The following RHBDF1 variants were observed in gnomAD, a reference collection of about 807,000 sequenced individuals.
RHBDF1 encodes inactive rhomboid protein 1.
In RHBDF1, 80 loss-of-function variants were observed where a neutral mutation model predicts 98.6. The ratio of observed to expected loss-of-function variants is 0.81; its 90% CI spans 0.68 to 0.98. The LOEUF (loss-of-function observed/expected upper bound fraction) is 0.98. RHBDF1 is among the 50% of genes least tolerant of loss of function. RHBDF1 has a pLI of 0.00. For synonymous variants in RHBDF1, 512 were observed against 486.8 expected (o/e 1.05, Z -0.68); for missense variants, 1,116 against 1,198.3 (o/e 0.93, Z 1.01).
chr16:61,567 GA>G lies in RHBDF1; in HGVS notation c.1320+17del. The G allele has an allele frequency of 6.2e-7, 1 of 1,612,590 alleles. No homozygotes were observed. The highest frequency in any genetic ancestry group is 8.5e-7 in the Non-Finnish European group (1 of 1,179,344). Reference sequence around the variant, plus strand: ...CGGACTCCACTCGTCTGGGCCCAGGGAAGGCACAGGGGCTCACCGAGTCCAC... The same window carrying G: ...CGGACTCCACTCGTCTGGGCCCAGGGAGGCACAGGGGCTCACCGAGTCCAC... On this transcript the variant is annotated intron_variant, in intron 9 of 17. Transcript: ENST00000262316.
At chr16:73,699 C>G (rs2141876213), upstream of RHBDF1, among the ~76,000 whole-genome samples, 1 of 152,270 alleles carries the variant, frequency 6.6e-6, no homozygotes, top group Middle Eastern at 3.4e-3. Flanking sequence ...TCCCTAAGGA[C>G]CCCTCTACAG....
intron 9 of RHBDF1, 57 bp downstream of exon 9, chr16:61,528 G>A (rs1295958067): frequency 1.9e-5 from 31 of 1,611,090 alleles, no homozygotes; most frequent in Non-Finnish European, 2.5e-5. Context: ...CGGGTCGGGA[G>A]GGGGTCCAGT....
chr16:76,289 A>T (rs1031416040), upstream of RHBDF1: 18 of 152,154 alleles, frequency 1.2e-4, no homozygotes, highest in African/African-American at 3.9e-4. Flanking sequence ...CCAGCCCGCC[A>T]GCCCACTCTG....
Position 61,612 on chromosome 16 carries a change from G to C in RHBDF1, c.1293C>G (p.Gly431=), listed in dbSNP as rs907248018. The part of the protein sequence containing the change: ...AVCIYGIAPV[G]FSQHETVDSV... Reference sequence around the variant, plus strand: ...AGTCCACCGTCTCATGCTGCGAGAAGCCCACGGGCGCGATGCCATAGATGC... The same window carrying C: ...AGTCCACCGTCTCATGCTGCGAGAACCCCACGGGCGCGATGCCATAGATGC... The change falls in exon 9 of 18, where the codon GGC becomes GGG. Residue 431 remains glycine, a synonymous_variant. Coordinates refer to ENST00000262316, the MANE Select transcript of RHBDF1 (RefSeq NM_022450.5). 19 of 1,613,308 alleles carry C rather than the reference G, an allele frequency of 1.2e-5. No homozygotes were observed. Among genetic ancestry groups the C allele is most frequent in the South Asian group, 8.8e-5 (8 of 91,088 alleles).
chr16:64,578 G>A (rs976735101), intron 3 of RHBDF1, 121 bp downstream of exon 3: 25 of 1,540,532 alleles, frequency 1.6e-5, no homozygotes, highest in Admixed American at 3.8e-5. Context: ...GGTGGGGACC[G>A]AGATGGAGGA....
In RHBDF1 at chr16:61,630, A is replaced by C; in HGVS notation, c.1275T>G (p.Tyr425Ter). 2 of 1,613,502 alleles carry C rather than the reference A, an allele frequency of 1.2e-6. No homozygotes were observed. The highest frequency in any genetic ancestry group is 1.7e-6 in the Non-Finnish European group (2 of 1,179,906). Residue 425 changes from tyrosine to a stop codon, truncating the protein, a stop_gained, in exon 9 of 18, where the codon TAT becomes TAG. Coordinates refer to ENST00000262316, the MANE Select transcript of RHBDF1 (RefSeq NM_022450.5). LOFTEE classifies it high-confidence loss of function. ...SLVTILAVCI[Y>*]GIAPVGFSQH... ...GCGAGAAGCCCACGGGCGCGATGCC[A>C]TAGATGCACACGGCTAGGATGGTGA...
At position 62,208 on chromosome 16, in the gene RHBDF1, C is replaced by T. The variant is rs551793827; in HGVS notation, c.954-156G>A. The T allele has an allele frequency of 8.2e-5, 86 of 1,052,166 alleles. No individual in the cohort carries two copies. The African/African-American group carries it at 8.2e-4, about 10-fold the overall frequency. 65.2% of individuals were successfully genotyped at this position (1,052,166 alleles called of 1,614,324 possible). On this transcript the variant is annotated intron_variant, in intron 7 of 17. Transcript: ENST00000262316. ...CCTTGCCAGTAAAAAAGCAACACTG[C>T]GGGCCTCCGGGGATGGCAGGGAGCT...
intron 1 of RHBDF1, 36 bp downstream of exon 1, chr16:72,477 C>T (rs1898000796): frequency 5.2e-6 from 5 of 962,220 alleles, no homozygotes; most frequent in African/African-American, 3.5e-5. Flanking sequence ...ACCCGCCCGC[C>T]CCCGGAGCCC....
chr16:64,302 C>T, intron 3 of RHBDF1: 1 of 1,338,948 alleles, frequency 7.5e-7, no homozygotes, highest in South Asian at 1.2e-5. Context: ...TGCCAGAAAA[C>T]ACCAACACAC....
In RHBDF1 at chr16:58,339, C is replaced by A; in HGVS notation, c.*1G>T. ...CACGGCCGCTGGAGCCCGCAGCCAG[C>A]TCAGTGGAGCTGAGCGTCCAGTTCG... On this transcript the variant is annotated 3_prime_UTR_variant, in exon 18 of 18. Transcript: ENST00000262316. The A allele has an allele frequency of 6.2e-7, 1 of 1,608,706 alleles. No homozygotes were observed. The highest frequency in any genetic ancestry group is 8.5e-7 in the Non-Finnish European group (1 of 1,177,170).
intron 1 of RHBDF1, among the ~76,000 whole-genome samples, chr16:69,422 G>A (rs1422346151): frequency 6.6e-6 from 1 of 152,154 alleles, no homozygotes; most frequent in Admixed American, 6.5e-5. Context: ...GTCAGCTGGA[G>A]CAAGGGGCCT....
rs771463350 is a variant in RHBDF1 at position 63,135 on chromosome 16, G to A, written c.510C>T (p.Asp170=). The part of the protein sequence containing the change: ...ARGRAFRVAD[D]TAEGLSAPHT... Reference sequence around the variant, plus strand: ...GTGGGGCACTCAGGCCTTCCGCAGTGTCATCTGCCACACGGAAGGCACGGC... The same window carrying A: ...GTGGGGCACTCAGGCCTTCCGCAGTATCATCTGCCACACGGAAGGCACGGC... The change falls in exon 5 of 18, where the codon GAC becomes GAT. Residue 170 remains aspartate (D), a synonymous_variant. Coordinates refer to ENST00000262316, the MANE Select transcript of RHBDF1 (RefSeq NM_022450.5). The A allele has an allele frequency of 8.1e-6, 13 of 1,599,052 alleles. No homozygotes were observed. The highest frequency in any genetic ancestry group is 2.7e-5 in the African/African-American group (2 of 74,858).
chr16:72,206 C>A (rs1211121263), intron 1 of RHBDF1, among the ~76,000 whole-genome samples: 1 of 152,246 alleles, frequency 6.6e-6, no homozygotes, highest in Non-Finnish European at 1.5e-5. Context: ...TGGAGCCGAG[C>A]TGTCCCGCCC....
At chr16:62,952 G>A (rs762440046) in intron 5 of RHBDF1, 21 bp downstream of exon 5, 18 of 1,612,038 alleles carry the variant, frequency 1.1e-5, no homozygotes, top group South Asian at 3.3e-5. Context: ...CCCCAACCCC[G>A]CCTTTGGCCC....
Position 58,629 on chromosome 16 carries a change from G to T in RHBDF1, c.2279C>A (p.Thr760Asn), listed in dbSNP as rs748792158. 9.3e-6 allele frequency: 15 copies of T among 1,613,500 alleles called. No individual in the cohort carries two copies. Among genetic ancestry groups the T allele is most frequent in the African/African-American group, 1.3e-5 (1 of 74,946 alleles). ...GTCAATCCACGGCAGCAGCCCAAAG[G>T]TGAAGAGGAAGAGCACCACAGCCAG... ...KLLAVVLFLFTFGLLPWIDNF... is the reference protein window; with the variant it reads ...KLLAVVLFLFNFGLLPWIDNF... The change falls in exon 18 of 18, where the codon ACC (threonine) becomes AAC (asparagine). Residue 760 changes from threonine (T) to asparagine (N), a missense_variant. Thr to Asn is a moderately conservative substitution (Grantham distance 65). Coordinates refer to ENST00000262316, the MANE Select transcript of RHBDF1 (RefSeq NM_022450.5).
intron 11 of RHBDF1, 139 bp from the exon 12 acceptor site, chr16:60,678 C>T: frequency 1.6e-6 from 1 of 620,340 alleles, no homozygotes; most frequent in Non-Finnish European, 2.9e-6. Flanking sequence ...GATGCACGTG[C>T]ATGTTGGAAA....
At chr16:70,348 G>C (rs866458554) in intron 1 of RHBDF1, among the ~76,000 whole-genome samples, 5 of 152,182 alleles carry the variant, frequency 3.3e-5, no homozygotes, top group Non-Finnish European at 5.9e-5. Context: ...GCACACGTCT[G>C]GCCAGAGGAC....
intron 1 of RHBDF1, among the ~76,000 whole-genome samples, chr16:71,462 G>A (rs776940776): frequency 6.6e-6 from 1 of 152,194 alleles, no homozygotes; most frequent in Non-Finnish European, 1.5e-5. Flanking sequence ...GGAGGTTGGG[G>A]TTAGCTCCAC....
Position 61,792 on chromosome 16 carries a change from G to A in RHBDF1, c.1208+6C>T, listed in dbSNP as rs778351952. 4.3e-6 allele frequency: 7 copies of A among 1,609,800 alleles called. No homozygotes were observed. The East Asian group carries it at 1.1e-4, about 26-fold the overall frequency. On this transcript the variant is annotated splice_donor_region_variant and intron_variant, in intron 8 of 17. Transcript: ENST00000262316. The stretch of plus-strand genomic sequence containing the variant: ...TCCCAACCCAGGCCTTGCCTGCCAC[G>A]CCTACCTGTGGTCGTCCATGTCCTC...
Sources: gnomAD v4.1 joint callset for allele counts (sites outside exome capture counted in the v4.1 genomes callset) on GRCh38, gnomAD v4.1.1 for gene constraint, MANE v1.5 for transcripts, NCBI Gene and HGNC (gene_info 2026-07-23, HGNC 2026-07-21) for gene names.